Variants in ANAPC2 observed in about 807,000 individuals in gnomAD.
ANAPC2 encodes anaphase-promoting complex subunit 2.
In ANAPC2, 29 loss-of-function variants were observed where a neutral mutation model predicts 84.3. The observed-to-expected ratio is 0.34, with a 90% CI of 0.26 to 0.47. ANAPC2 has a LOEUF of 0.47. ANAPC2 is among the 20% of genes least tolerant of loss of function. The pLI is 1.00. For missense variants in ANAPC2, 857 were observed against 1,131.7 expected (o/e 0.76, Z 3.48); for synonymous variants, 571 against 479.4 (o/e 1.19, Z -2.50).
At position 137,187,674 on chromosome 9, in the gene ANAPC2, C is replaced by T. The variant is rs757478605; in HGVS notation, c.547G>A (p.Val183Ile). The change falls in exon 2 of 13, where the codon GTC becomes ATC. Residue 183 changes from valine (V) to isoleucine (I), a missense_variant. Around this residue, in one of 3 missense-constraint regions of ANAPC2, gnomAD observed 428 missense variants for 513.8 expected, o/e 0.83. Transcript: ENST00000323927. The stretch of plus-strand genomic sequence containing the variant: ...CCCTTCCTCTTACTCTGCATATAGA[C>T]TCTCAAGAAGCACCCATACAGACGC... ...IQRLYGCFLR[V>I]YMQSKRKGEG... 28 of 1,613,966 alleles carry T rather than the reference C, an allele frequency of 1.7e-5. No homozygotes were observed. Among genetic ancestry groups the T allele is most frequent in the Non-Finnish European group, 2.4e-5 (28 of 1,180,040 alleles).
intron 10 of ANAPC2, 151 bp from the exon 11 acceptor site, chr9:137,175,988 G>A: frequency 4.0e-6 from 4 of 1,000,224 alleles, no homozygotes; most frequent in South Asian, 3.4e-5. Flanking sequence ...GCACAGGACT[G>A]GGTGGGGTCC....
chr9:137,181,508 G>A (rs1834342200), intron 7 of ANAPC2, among the ~76,000 whole-genome samples, 173 bp downstream of exon 7: 1 of 152,228 alleles, frequency 6.6e-6, no homozygotes, highest in African/African-American at 2.4e-5. Context: ...TCACCGGCCT[G>A]CCCAGGCTGG....
chr9:137,180,410 G>A (rs1399503949), intron 9 of ANAPC2, 26 bp from the exon 10 acceptor site: 9 of 1,612,556 alleles, frequency 5.6e-6, no homozygotes, highest in East Asian at 2.2e-5. Context: ...TGTCACGGGG[G>A]ACCTGCGGGG....
Position 137,180,485 on chromosome 9 carries a change from C to T in ANAPC2, c.1653G>A (p.Glu551=). The change falls in exon 9 of 13, where the codon GAG becomes GAA. Residue 551 remains glutamate, a synonymous_variant. Transcript: ENST00000323927. ...NVELLKLRFG[E]APMHFCEVML... The stretch of plus-strand genomic sequence containing the variant: ...TGACTTCACAGAAGTGCATTGGGGC[C>T]TCGCCAAAGCGCAGCTTCAGCAGCT... 1 of 1,613,026 alleles carries T rather than the reference C, an allele frequency of 6.2e-7. No homozygotes were observed. Among genetic ancestry groups the T allele is most frequent in the South Asian group, 1.1e-5 (1 of 91,086 alleles).
rs137952224 is a variant in ANAPC2 at position 137,180,365 on chromosome 9, C to T, written c.1706G>A (p.Arg569His). Residue 569 changes from arginine (R) to histidine (H), a missense_variant, in exon 10 of 13, where the codon CGC (arginine) becomes CAC (histidine). Physicochemically the swap from Arg to His is conservative, Grantham distance 29. This residue lies in a region of ANAPC2 where 425 missense variants were observed against 595.5 expected (regional missense o/e 0.71). Coordinates refer to ENST00000323927, the MANE Select transcript of ANAPC2 (RefSeq NM_013366.4). ...VMLKDMADSR[R>H]INANIREEDE... ...CTCCTCCCGGATGTTGGCATTGATG[C>T]GGCGGGAGTCCGCCATGTCCTGAGG... The T allele has an allele frequency of 2.5e-6, 4 of 1,612,402 alleles. No individual in the cohort carries two copies. The highest frequency in any genetic ancestry group is 1.3e-5 in the African/African-American group (1 of 75,070).
chr9:137,183,014 G>C (rs1417548189), intron 6 of ANAPC2, 111 bp downstream of exon 6: 2 of 833,672 alleles, frequency 2.4e-6, no homozygotes, highest in Admixed American at 4.3e-5. Context: ...AGCCGGGGGA[G>C]ACCTTGTGTC....
At chr9:137,184,727 A>G (rs1057353055) in intron 4 of ANAPC2, among the ~76,000 whole-genome samples, 186 bp downstream of exon 4, 1 of 144,612 alleles carries the variant, frequency 6.9e-6, no homozygotes. Flanking sequence ...CAAGACGCAG[A>G]CACAGGGAGC....
intron 1 of ANAPC2, 72 bp downstream of exon 1, chr9:137,188,344 G>A (rs1226552999): frequency 4.0e-6 from 6 of 1,496,278 alleles, no homozygotes; most frequent in East Asian, 4.8e-5. Context: ...ATGAACCCGA[G>A]GGTAGCGGCC....
intron 4 of ANAPC2, among the ~76,000 whole-genome samples, chr9:137,183,995 A>C (rs1330695221): frequency 1.3e-5 from 2 of 152,180 alleles, no homozygotes; most frequent in African/African-American, 4.8e-5. Context: ...GGACAGAGCA[A>C]CACCCAGGGG....
chr9:137,184,467 G>A (rs933657244), intron 4 of ANAPC2, among the ~76,000 whole-genome samples: 11 of 142,068 alleles, frequency 7.7e-5, no homozygotes, highest in Non-Finnish European at 1.5e-4. Context: ...AGCCCAAGAC[G>A]CAGACACAGA....
In ANAPC2 at chr9:137,179,742, G is replaced by A. The variant is rs375576592; in HGVS notation, c.1890+439C>T. 3.9e-4 allele frequency among the ~76,000 whole-genome samples: 60 copies of A among 152,330 alleles called. 1 individual carries two copies. The East Asian group carries it at 7.1e-3, about 18-fold the overall frequency. ...GGCTGGGGTCCTGGGGGTCAGGTGCGCCTGGGAGTGCTGCCCTGGGCAGAG... is the reference window on the plus strand; with the variant it reads ...GGCTGGGGTCCTGGGGGTCAGGTGCACCTGGGAGTGCTGCCCTGGGCAGAG... On this transcript the variant is annotated intron_variant, in intron 10 of 12. Coordinates refer to ENST00000323927, the MANE Select transcript of ANAPC2 (RefSeq NM_013366.4).
intron 10 of ANAPC2, among the ~76,000 whole-genome samples, chr9:137,177,735 T>G (rs958169614): frequency 1.3e-5 from 2 of 152,152 alleles, no homozygotes; most frequent in Non-Finnish European, 2.9e-5. Context: ...GTGCCTCTGA[T>G]GAGATCTTAT....
intron 2 of ANAPC2, chr9:137,186,673 C>T (rs1834477197): frequency 2.6e-6 from 1 of 377,634 alleles, no homozygotes; most frequent in Non-Finnish European, 4.8e-6. Context: ...GCCTTATCTC[C>T]TAGGATCAAC....
rs545401802 is a variant in ANAPC2, at chr9:137,177,232, A to G, written c.1891-1395T>C. Among the ~76,000 whole-genome samples the G allele has an allele frequency of 3.3e-5, 5 of 152,364 alleles. No homozygotes were observed. In the South Asian group the frequency reaches 6.2e-4, roughly 19 times the overall value. On this transcript the variant is annotated intron_variant, in intron 10 of 12. Transcript: ENST00000323927. ...TCCAAGAGCAGAGCCGCCGAGGCCA[A>G]GGCTGACGGAGCAGGGGGCCAAAGA...
At chr9:137,181,355 C>T (rs1834338940) in intron 7 of ANAPC2, among the ~76,000 whole-genome samples, 1 of 152,348 alleles carries the variant, frequency 6.6e-6, no homozygotes, top group Middle Eastern at 3.4e-3. Flanking sequence ...AGGCCCAAAT[C>T]AGTACAGAGC....
At chr9:137,181,888 CCA>C (rs1352517182) in intron 6 of ANAPC2, 26 bp from the exon 7 acceptor site, 2 of 1,588,790 alleles carry the variant, frequency 1.3e-6, no homozygotes, top group African/African-American at 1.3e-5. Flanking sequence ...CTGCTGTGGC[CCA>C]CAGTGTGGAC....
chr9:137,178,541 G>A lies in ANAPC2; in HGVS notation c.1890+1640C>T, dbSNP rs539153714. Among the ~76,000 whole-genome samples the A allele has an allele frequency of 7.9e-4, 120 of 152,274 alleles. 1 individual carries two copies. The highest frequency in any genetic ancestry group is 2.1e-3 in the African/African-American group (87 of 41,556). ...CGCTGGAGAGCCTGAGGCAGCCAGA[G>A]GGGCAGGGGGAAAGGGACCGAGCAC... On this transcript the variant is annotated intron_variant, in intron 10 of 12. Transcript: ENST00000323927.
chr9:137,186,289 G>A lies in ANAPC2; in HGVS notation c.808C>T (p.Arg270Trp), dbSNP rs148501048. The A allele has an allele frequency of 5.1e-4, 829 of 1,612,258 alleles. No homozygotes were observed. The highest frequency in any genetic ancestry group is 6.2e-4 in the Non-Finnish European group (731 of 1,179,936). Residue 270 changes from arginine (R) to tryptophan (W), a missense_variant, in exon 3 of 13, where the codon CGG (arginine) becomes TGG (tryptophan). Physicochemically the swap from Arg to Trp is moderately radical, Grantham distance 101. This residue lies in a region of ANAPC2 where 428 missense variants were observed against 513.8 expected (regional missense o/e 0.83). Transcript: ENST00000323927. The part of the protein sequence containing the change: ...AVTTTLHQVT[R>W]ERMEDRCRGE... ...CGGCAACGGTCCTCCATCCTCTCCC[G>A]GGTCACCTGGTGCAGGGTGGTGGTC...
At chr9:137,183,090 G>T (rs2131337676) in intron 6 of ANAPC2, 35 bp downstream of exon 6, 1 of 1,536,088 alleles carries the variant, frequency 6.5e-7, no homozygotes, top group Non-Finnish European at 9.0e-7. Context: ...GATGCCCAGG[G>T]TCCCAGTGGC....
Sources: allele counts gnomAD v4.1 joint callset (sites outside exome capture counted in the v4.1 genomes callset), GRCh38; gene constraint gnomAD v4.1.1; regional missense constraint gnomAD v4.1.1; transcripts MANE v1.5; gene names NCBI Gene and HGNC (gene_info 2026-07-23, HGNC 2026-07-21).